The following POU2AF2 variants were observed in gnomAD, a reference collection of about 807,000 sequenced individuals.
The protein encoded by POU2AF2 is POU domain class 2-associating factor 2.
chr11:111,269,003 T>A, the POU2AF2 span, among the ~76,000 whole-genome samples: 1 of 152,186 alleles, frequency 6.6e-6, no homozygotes, highest in Non-Finnish European at 1.5e-5. Flanking sequence ...ATCTTATTTA[T>A]CCTTGCTACT....
the POU2AF2 span, among the ~76,000 whole-genome samples, chr11:111,268,496 TATTTTATTTTATTTTA>T: frequency 9.7e-5 from 6 of 61,974 alleles, no homozygotes; most frequent in Non-Finnish European, 1.8e-4. Flanking sequence ...TATTTTATTT[TATTTTATTTTATTTTA>T]TTTTATTTTA....
the POU2AF2 span, among the ~76,000 whole-genome samples, chr11:111,258,169 T>TGAGA: frequency 1.1e-4 from 16 of 151,284 alleles, no homozygotes; most frequent in East Asian, 2.1e-3. Context: ...TCTAGTCTCT[T>TGAGA]GAGAGAGAGA....
chr11:111,264,471 G>A, the POU2AF2 span, among the ~76,000 whole-genome samples: 6 of 148,526 alleles, frequency 4.0e-5, no homozygotes, highest in Non-Finnish European at 8.9e-5. Context: ...ACTGCAGACT[G>A]GGTGACAGAG....
At chr11:111,279,834 G>A in the POU2AF2 span, among the ~76,000 whole-genome samples, 2 of 151,760 alleles carry the variant, frequency 1.3e-5, no homozygotes, top group African/African-American at 4.8e-5. Flanking sequence ...CTGAGGTCAG[G>A]AGTTCGAGAC....
At chr11:111,268,479 T>TC in the POU2AF2 span, among the ~76,000 whole-genome samples, 2 of 25,382 alleles carry the variant, frequency 7.9e-5, no homozygotes, top group Admixed American at 5.3e-4. Flanking sequence ...TTTTTCTTTT[T>TC]TTATTTTATT....
the POU2AF2 span, among the ~76,000 whole-genome samples, chr11:111,264,583 A>G: frequency 6.7e-6 from 1 of 149,272 alleles, no homozygotes; most frequent in African/African-American, 2.5e-5. Flanking sequence ...AAAGGGAGAG[A>G]GAAAGACAGA....
the POU2AF2 span, among the ~76,000 whole-genome samples, chr11:111,272,835 C>T: frequency 6.6e-6 from 1 of 151,964 alleles, no homozygotes; most frequent in Non-Finnish European, 1.5e-5. Context: ...CTTATTATTC[C>T]CTGAAGAAGA....
the POU2AF2 span, among the ~76,000 whole-genome samples, chr11:111,250,353 G>A: frequency 6.6e-6 from 1 of 152,244 alleles, no homozygotes; most frequent in East Asian, 1.9e-4. Flanking sequence ...AAATATAAGA[G>A]TCATAGTACT....
chr11:111,278,944 AT>A, the POU2AF2 span, among the ~76,000 whole-genome samples: 4 of 152,226 alleles, frequency 2.6e-5, no homozygotes, highest in African/African-American at 9.6e-5. Flanking sequence ...TGTTAGTAAT[AT>A]GGAGAGAATG....
the POU2AF2 span, among the ~76,000 whole-genome samples, chr11:111,268,464 C>T: frequency 1.5e-5 from 2 of 129,136 alleles, no homozygotes; most frequent in Non-Finnish European, 3.3e-5. Context: ...TTGGTTATTG[C>T]TACATTTTTC....
the POU2AF2 span, among the ~76,000 whole-genome samples, chr11:111,272,737 A>G: frequency 6.6e-6 from 1 of 152,214 alleles, no homozygotes; most frequent in Non-Finnish European, 1.5e-5. Context: ...ATTTCTGGAA[A>G]CTACCACAAT....
the POU2AF2 span, among the ~76,000 whole-genome samples, chr11:111,266,733 A>G: frequency 5.9e-5 from 9 of 152,264 alleles, no homozygotes; most frequent in African/African-American, 2.2e-4. Flanking sequence ...AATATATTTC[A>G]TGTATCAACA....
the POU2AF2 span, among the ~76,000 whole-genome samples, chr11:111,271,841 C>A: frequency 9.9e-5 from 15 of 151,980 alleles, no homozygotes; most frequent in African/African-American, 3.1e-4. Flanking sequence ...GGTGAAACCC[C>A]GTCTCTACTA....
the POU2AF2 span, chr11:111,284,010 C>G: frequency 6.8e-7 from 1 of 1,459,916 alleles, no homozygotes; most frequent in Non-Finnish European, 9.4e-7. Context: ...AGAGACTCAG[C>G]TGCAACCGAG....
At chr11:111,280,058 ATAT>A in the POU2AF2 span, among the ~76,000 whole-genome samples, 2,523 of 35,820 alleles carry the variant, frequency 0.07, 76 homozygotes, top group African/African-American at 0.14. Flanking sequence ...AAAAAAAAAA[ATAT>A]ATATATATAT....
chr11:111,281,106 G>A, the POU2AF2 span, among the ~76,000 whole-genome samples: 21 of 152,172 alleles, frequency 1.4e-4, no homozygotes, highest in African/African-American at 5.1e-4. Context: ...TATATTGGAT[G>A]AGGGAATGTT....
chr11:111,264,572 GAA>G, the POU2AF2 span, among the ~76,000 whole-genome samples: 996 of 26,298 alleles, frequency 0.038, 156 homozygotes, highest in Middle Eastern at 0.13. Context: ...AAGAAAGAAA[GAA>G]AGGGAGAGAG....
chr11:111,285,102 T>C, the POU2AF2 span, among the ~76,000 whole-genome samples: 1 of 152,218 alleles, frequency 6.6e-6, no homozygotes, highest in African/African-American at 2.4e-5. Context: ...AGATGAGCAA[T>C]GTCGGGCTCA....
the POU2AF2 span, among the ~76,000 whole-genome samples, chr11:111,270,958 CA>C: frequency 6.6e-6 from 1 of 152,208 alleles, no homozygotes; most frequent in Non-Finnish European, 1.5e-5. Flanking sequence ...CCCCACCAGT[CA>C]TTTCCAACCT....
Sources: allele counts gnomAD v4.1 joint callset (sites outside exome capture counted in the v4.1 genomes callset), GRCh38; gene constraint gnomAD v4.1.1; transcripts MANE v1.5; gene names NCBI Gene and HGNC (gene_info 2026-07-23, HGNC 2026-07-21).